The following PTPRG variants were observed in gnomAD, a reference collection of about 807,000 sequenced individuals.
PTPRG encodes receptor-type tyrosine-protein phosphatase gamma.
Under a neutral mutation model 165.3 loss-of-function variants are expected in PTPRG, and 102 were observed. The ratio of observed to expected loss-of-function variants is 0.62; its 90% CI spans 0.53 to 0.73. The LOEUF (loss-of-function observed/expected upper bound fraction) is 0.73, where lower values mean the gene tolerates loss of function less well. Ranked by LOEUF, PTPRG falls within the 30% of genes least tolerant of loss-of-function variation. The pLI is 0.00. For synonymous variants in PTPRG, 675 were observed against 669.5 expected (o/e 1.01, Z -0.13); for missense variants, 1,866 against 1,861.4 (o/e 1.00, Z -0.05).
intron 5 of PTPRG, among the ~76,000 whole-genome samples, chr3:62,128,652 A>G (rs936346200): frequency 2.0e-5 from 3 of 150,914 alleles, no homozygotes; most frequent in Admixed American, 6.6e-5. Flanking sequence ...CCCATTTCAC[A>G]GACAAGGACA....
intron 2 of PTPRG, among the ~76,000 whole-genome samples, chr3:61,972,244 A>G (rs1263587436): frequency 6.6e-6 from 1 of 152,250 alleles, no homozygotes; most frequent in East Asian, 1.9e-4. Context: ...TTCAAAGGAC[A>G]GCAAGGTGGC....
At chr3:61,696,052 T>A (rs1050166856) in intron 1 of PTPRG, among the ~76,000 whole-genome samples, 1 of 152,164 alleles carries the variant, frequency 6.6e-6, no homozygotes, top group African/African-American at 2.4e-5. Context: ...TGTAACTACA[T>A]GTTCTTAAAA....
chr3:61,688,961 A>G (rs754048526), intron 1 of PTPRG, among the ~76,000 whole-genome samples: 4 of 152,158 alleles, frequency 2.6e-5, no homozygotes, highest in Non-Finnish European at 4.4e-5. Flanking sequence ...CTTTAACTTG[A>G]CAGAGAGGGC....
intron 2 of PTPRG, among the ~76,000 whole-genome samples, chr3:61,763,025 G>A (rs2033903379): frequency 6.6e-6 from 1 of 152,134 alleles, no homozygotes; most frequent in African/African-American, 2.4e-5. Flanking sequence ...TGAAGAGCAT[G>A]TAACATGTTC....
At chr3:62,011,139 C>A (rs1379768755) in intron 4 of PTPRG, among the ~76,000 whole-genome samples, 1 of 152,182 alleles carries the variant, frequency 6.6e-6, no homozygotes, top group East Asian at 1.9e-4. Flanking sequence ...CCCCATCCTT[C>A]CAGTGCGCAT....
chr3:61,681,008 G>A (rs548004040), intron 1 of PTPRG, among the ~76,000 whole-genome samples: 1 of 135,064 alleles, frequency 7.4e-6, no homozygotes, highest in African/African-American at 2.8e-5. Context: ...TAGATGAGCA[G>A]CTTTGCTTTT....
intron 1 of PTPRG, among the ~76,000 whole-genome samples, chr3:61,685,980 G>A (rs1703612172): frequency 6.6e-6 from 1 of 152,096 alleles, no homozygotes; most frequent in Admixed American, 6.6e-5. Flanking sequence ...CCGCTTGTTG[G>A]GGTATGAGTG....
chr3:62,109,946 A>G (rs916936458), intron 5 of PTPRG, among the ~76,000 whole-genome samples: 2 of 152,070 alleles, frequency 1.3e-5, no homozygotes, highest in Admixed American at 6.6e-5. Context: ...ACCCTCTGGC[A>G]GTTTCTTTGC....
At chr3:62,058,337 T>C (rs1191224876) in intron 4 of PTPRG, among the ~76,000 whole-genome samples, 1 of 151,914 alleles carries the variant, frequency 6.6e-6, no homozygotes, top group Non-Finnish European at 1.5e-5. Context: ...TTATTTATTA[T>C]TATTATTATT....
intron 1 of PTPRG, among the ~76,000 whole-genome samples, chr3:61,674,465 C>A (rs1703148585): frequency 9.1e-6 from 1 of 109,328 alleles, no homozygotes. Flanking sequence ...CCAGCCTGGG[C>A]GATAGAGTGA....
Position 62,237,185 on chromosome 3 carries a change from A to G in PTPRG, c.2375+5874A>G, listed in dbSNP as rs758228566. On this transcript the variant is annotated intron_variant, in intron 14 of 29. Coordinates refer to ENST00000474889, the MANE Select transcript of PTPRG (RefSeq NM_002841.4). The surrounding 1 kb of genome is among the most constrained non-coding windows in gnomAD (Gnocchi z 4.5). ...GAGGTTATCTAAACAGGTTCCCGGA[A>G]AAACAGAAGCCACAGAAGAAAAGGC... Among the ~76,000 whole-genome samples, 34 of 152,216 alleles carry G rather than the reference A, an allele frequency of 2.2e-4. No individual in the cohort carries two copies. Among genetic ancestry groups the G allele is most frequent in the Non-Finnish European group, 3.7e-4 (25 of 68,046 alleles).
intron 3 of PTPRG, among the ~76,000 whole-genome samples, chr3:61,997,866 A>G (rs953321966): frequency 3.3e-5 from 5 of 152,214 alleles, no homozygotes; most frequent in Non-Finnish European, 5.9e-5. Context: ...CCCTTTTACC[A>G]GGAGTCCCAG....
intron 1 of PTPRG, among the ~76,000 whole-genome samples, chr3:61,568,327 T>C (rs1197066844): frequency 6.6e-6 from 1 of 152,204 alleles, no homozygotes; most frequent in Non-Finnish European, 1.5e-5. Flanking sequence ...GGAAAGTCTG[T>C]GATGATTGAG....
At chr3:62,068,157 T>C (rs966628513) in intron 4 of PTPRG, among the ~76,000 whole-genome samples, 2 of 152,170 alleles carry the variant, frequency 1.3e-5, no homozygotes, top group Admixed American at 1.3e-4. Flanking sequence ...AGAGTATCAC[T>C]TCTAGAAAAT....
chr3:61,655,758 A>G (rs1461554790), intron 1 of PTPRG, among the ~76,000 whole-genome samples: 1 of 152,148 alleles, frequency 6.6e-6, no homozygotes, highest in Non-Finnish European at 1.5e-5. Context: ...GGCATATGCC[A>G]TCATGCCTGG....
chr3:62,255,475 G>T lies in PTPRG; in HGVS notation c.2559+260G>T, dbSNP rs960206192. ...GATAGAAAAGAAGCAAACTGGTAGG[G>T]ATTGCTTTTCAGGTTCTTGCTACAT... On this transcript the variant is annotated intron_variant, in intron 16 of 29. Transcript: ENST00000474889. This position sits in a 1 kb window ranked among gnomAD's most constrained non-coding sequence, Gnocchi z 4.0. Among the ~76,000 whole-genome samples the T allele has an allele frequency of 6.6e-5, 10 of 152,150 alleles. No homozygotes were observed. The highest frequency in any genetic ancestry group is 1.5e-4 in the Non-Finnish European group (10 of 68,008).
At chr3:61,930,541 C>A (rs1218977398) in intron 2 of PTPRG, among the ~76,000 whole-genome samples, 2 of 152,132 alleles carry the variant, frequency 1.3e-5, no homozygotes, top group Non-Finnish European at 2.9e-5. Context: ...CAACTGTTTT[C>A]TTCATCTGCC....
chr3:61,908,331 T>TG (rs2038711513), intron 2 of PTPRG, among the ~76,000 whole-genome samples: 2 of 128,172 alleles, frequency 1.6e-5, no homozygotes, highest in South Asian at 5.0e-4. Context: ...GAGGCTGAGG[T>TG]GGGGAATCGC....
At chr3:61,638,590 A>ATTT in intron 1 of PTPRG, among the ~76,000 whole-genome samples, 1 of 49,426 alleles carries the variant, frequency 2.0e-5, no homozygotes, top group Admixed American at 2.6e-4. Flanking sequence ...ATGCCTGGCT[A>ATTT]GTTTTTTTTT....
Sources: gnomAD v4.1 joint callset for allele counts (sites outside exome capture counted in the v4.1 genomes callset) on GRCh38, gnomAD v4.1.1 for gene constraint, Gnocchi (gnomAD v3.1) non-coding constraint, MANE v1.5 for transcripts, NCBI Gene and HGNC (gene_info 2026-07-23, HGNC 2026-07-21) for gene names.